The following MCMDC2 variants were observed in gnomAD, a reference collection of about 807,000 sequenced individuals.
MCMDC2 encodes minichromosome maintenance domain-containing protein 2.
Under a neutral mutation model 75.8 loss-of-function variants are expected in MCMDC2, and 54 were observed. The observed-to-expected ratio is 0.71, with a 90% confidence interval of 0.57 to 0.89. MCMDC2 has a LOEUF of 0.89. Among genes scored for constraint, MCMDC2 ranks in the 40% least tolerant of loss-of-function variants. MCMDC2 has a pLI of 0.00. For synonymous variants in MCMDC2, 249 were observed against 274.6 expected, an observed-to-expected ratio of 0.91 and a Z score of 0.92; for missense variants, 656 against 780.4, an observed-to-expected ratio of 0.84 and a Z score of 1.90.
intron 9 of MCMDC2, among the ~76,000 whole-genome samples, chr8:66,887,782 A>G (rs994385505): frequency 6.6e-6 from 1 of 152,168 alleles, no homozygotes. Context: ...GCATTTATCC[A>G]ATTTTTCCAC....
At chr8:66,895,047 C>A (rs1812282894) in intron 10 of MCMDC2, among the ~76,000 whole-genome samples, 1 of 152,182 alleles carries the variant, frequency 6.6e-6, no homozygotes, top group African/African-American at 2.4e-5. Flanking sequence ...TCTGCAGATA[C>A]CAAAATCCAC....
In MCMDC2 at chr8:66,919,290, GT is replaced by G; in HGVS notation, c.*126del. The G allele has an allele frequency of 2.8e-6, 2 of 721,692 alleles. No individual in the cohort carries two copies. Among genetic ancestry groups the G allele is most frequent in the Non-Finnish European group, 4.1e-6 (2 of 485,382 alleles). The allele number at this position is 721,692 out of a possible 1,614,324, so 44.7% of individuals were successfully genotyped here. ...CTGTACAGGAATATATTACAATACT[GT>G]TTTTAAAAATATAAAATATAGTCCC... On this transcript the variant is annotated 3_prime_UTR_variant, in exon 15 of 15. Transcript: ENST00000422365.
intron 14 of MCMDC2, among the ~76,000 whole-genome samples, chr8:66,908,525 G>T (rs1248258572): frequency 6.6e-6 from 1 of 152,164 alleles, no homozygotes; most frequent in Non-Finnish European, 1.5e-5. Flanking sequence ...CTGGAGTACG[G>T]TAATAAGATG....
At chr8:66,924,708 G>A (rs141433544), downstream of MCMDC2, among the ~76,000 whole-genome samples, 33 of 151,446 alleles carry the variant, frequency 2.2e-4, no homozygotes, top group Non-Finnish European at 4.9e-4. Flanking sequence ...GGTTTCTTCT[G>A]TATTATGTCC....
At chr8:66,877,312 G>T (rs374010442) in intron 4 of MCMDC2, 37 bp from the exon 5 acceptor site, 4 of 1,332,498 alleles carry the variant, frequency 3.0e-6, no homozygotes, top group Non-Finnish European at 4.2e-6. Context: ...AATTGGATTT[G>T]CAATTTTCAT....
At chr8:66,892,161 G>A (rs1812138351) in intron 10 of MCMDC2, among the ~76,000 whole-genome samples, 1 of 152,200 alleles carries the variant, frequency 6.6e-6, no homozygotes. Context: ...AGCCACCCAA[G>A]GCTGGCAGAA....
chr8:66,906,001 T>G lies in MCMDC2; in HGVS notation c.1879+666T>G, dbSNP rs1461500678. Among the ~76,000 whole-genome samples the G allele has an allele frequency of 1.5e-4, 22 of 142,070 alleles. No individual in the cohort carries two copies. The Admixed American group carries it at 1.6e-3, about 10-fold the overall frequency. 93.2% of individuals were successfully genotyped at this position (142,070 alleles called of 152,430 possible). Reference sequence around the variant, plus strand: ...GTCTGGGTGACAGAGTGAGACTCCATCTCAAAAAAAAAAAAAAAGAAAGAA... The same window carrying G: ...GTCTGGGTGACAGAGTGAGACTCCAGCTCAAAAAAAAAAAAAAAGAAAGAA... On this transcript the variant is annotated intron_variant, in intron 14 of 14. Coordinates refer to ENST00000422365, the MANE Select transcript of MCMDC2 (RefSeq NM_173518.5).
chr8:66,875,486 T>C (rs1472751068), intron 4 of MCMDC2, among the ~76,000 whole-genome samples: 1 of 151,928 alleles, frequency 6.6e-6, no homozygotes, highest in African/African-American at 2.4e-5. Flanking sequence ...TCCATGTTGG[T>C]CAGGCTGGTC....
chr8:66,899,278 G>A (rs911590459), intron 12 of MCMDC2, among the ~76,000 whole-genome samples: 3 of 152,230 alleles, frequency 2.0e-5, no homozygotes, highest in Admixed American at 6.5e-5. Context: ...CCCTGAAGGG[G>A]CTGACAGCAC....
intron 9 of MCMDC2, among the ~76,000 whole-genome samples, chr8:66,886,002 T>C (rs183924180): frequency 1.1e-3 from 174 of 152,308 alleles, no homozygotes; most frequent in African/African-American, 3.9e-3. Context: ...ATTTATCTAT[T>C]CTCGTAGTGG....
intron 14 of MCMDC2, among the ~76,000 whole-genome samples, chr8:66,910,078 C>T (rs1011579563): frequency 2.0e-5 from 3 of 152,198 alleles, no homozygotes; most frequent in Admixed American, 6.5e-5. Flanking sequence ...GTTGGGCCTG[C>T]GGGTGCACAG....
intron 14 of MCMDC2, among the ~76,000 whole-genome samples, chr8:66,918,376 T>C (rs1813398676): frequency 6.6e-6 from 1 of 152,220 alleles, no homozygotes; most frequent in Non-Finnish European, 1.5e-5. Context: ...TGGTCCCATT[T>C]ATGTGTATTT....
intron 9 of MCMDC2, among the ~76,000 whole-genome samples, chr8:66,886,481 A>G (rs1811846116): frequency 6.6e-6 from 1 of 152,086 alleles, no homozygotes; most frequent in Non-Finnish European, 1.5e-5. Context: ...TTTATAAGAA[A>G]CTGCCAGTTA....
intron 9 of MCMDC2, among the ~76,000 whole-genome samples, chr8:66,890,001 A>AT (rs147610819): frequency 0.024 from 3,646 of 152,308 alleles, 160 homozygotes; most frequent in African/African-American, 0.083. Context: ...CCTAATTCAA[A>AT]TGTCATCTCT....
rs2130797291 is a variant in MCMDC2, at chr8:66,878,633, G to A, written c.541G>A (p.Asp181Asn). The A allele has an allele frequency of 6.4e-7, 1 of 1,570,802 alleles. No homozygotes were observed. Among genetic ancestry groups the A allele is most frequent in the Non-Finnish European group, 8.6e-7 (1 of 1,165,666 alleles). ...GATESATIRN[D>N]FLCNLCASSL... is the part of the protein sequence containing the mutation. ...TACAGAATCTGCAACGATAAGAAAT[G>A]ACTTTTTGTGTAATCTATGTGCATC... Residue 181 changes from aspartate to asparagine, a missense_variant, in exon 6 of 15, where the codon GAC becomes AAC. Asp to Asn is a conservative substitution (Grantham distance 23). Transcript: ENST00000422365.
chr8:66,915,344 C>T (rs910576270), intron 14 of MCMDC2, among the ~76,000 whole-genome samples: 9 of 151,478 alleles, frequency 5.9e-5, no homozygotes, highest in Admixed American at 1.3e-4. Flanking sequence ...CCCAACTACT[C>T]GGGAGCCTGA....
intron 9 of MCMDC2, among the ~76,000 whole-genome samples, chr8:66,888,095 T>A (rs982895705): frequency 6.6e-6 from 1 of 152,328 alleles, no homozygotes; most frequent in African/African-American, 2.4e-5. Context: ...TTATTTTTAT[T>A]TTTGAGACAG....
chr8:66,888,741 G>A (rs1304986932), intron 9 of MCMDC2, among the ~76,000 whole-genome samples: 1 of 152,160 alleles, frequency 6.6e-6, no homozygotes, highest in African/African-American at 2.4e-5. Flanking sequence ...TGTATCAGTA[G>A]TTTTAAAAGT....
At chr8:66,885,748 T>C (rs1166888573) in intron 9 of MCMDC2, among the ~76,000 whole-genome samples, 2 of 152,214 alleles carry the variant, frequency 1.3e-5, no homozygotes, top group Non-Finnish European at 2.9e-5. Flanking sequence ...AACATTTCTA[T>C]CACCCCAGAA....
Sources: allele counts gnomAD v4.1 joint callset (sites outside exome capture counted in the v4.1 genomes callset), GRCh38; gene constraint gnomAD v4.1.1; transcripts MANE v1.5; gene names NCBI Gene and HGNC (gene_info 2026-07-23, HGNC 2026-07-21).